The following TIMP2 variants were observed in gnomAD, a reference collection of about 807,000 sequenced individuals.
TIMP2 encodes the protein metalloproteinase inhibitor 2.
A neutral mutation model predicts 24.3 loss-of-function variants in TIMP2; 5 were observed. The ratio of observed to expected loss-of-function variants is 0.21; its 90% CI spans 0.11 to 0.43. TIMP2 has a LOEUF of 0.43. Ranked by LOEUF, TIMP2 falls within the 20% of genes least tolerant of loss-of-function variation. The pLI, the probability that TIMP2 is intolerant of heterozygous loss-of-function variation, is 1.00. For missense variants in TIMP2, 221 were observed against 297.5 expected (o/e 0.74, Z 1.89); for synonymous variants, 130 against 123.2 (o/e 1.06, Z -0.37).
At chr17:78,909,335 A>G (rs1273712257) in intron 1 of TIMP2, among the ~76,000 whole-genome samples, 5 of 151,914 alleles carry the variant, frequency 3.3e-5, no homozygotes, top group African/African-American at 1.2e-4. Flanking sequence ...AGCCTGGGCG[A>G]CAGAGCAAGA....
At chr17:78,860,113 T>C (rs1028430809) in intron 3 of TIMP2, among the ~76,000 whole-genome samples, 8 of 151,530 alleles carry the variant, frequency 5.3e-5, no homozygotes, top group African/African-American at 1.9e-4. Flanking sequence ...GAGGTGGAGG[T>C]TGCAGTGAGT....
Position 78,891,369 on chromosome 17 carries a change from A to G in TIMP2, c.131-17450T>C. ...GCGCCACACTCTTGCATCTCTGAGA[A>G]GGCATGCCCTTCCCCAGGTCTCTGG... On this transcript the variant is annotated intron_variant, in intron 1 of 4. Transcript: ENST00000262768. This position sits in a 1 kb window ranked among gnomAD's most constrained non-coding sequence, Gnocchi z 4.5. The G allele has an allele frequency of 6.4e-7, 1 of 1,550,572 alleles. No individual in the cohort carries two copies. Among genetic ancestry groups the G allele is most frequent in the South Asian group, 1.2e-5 (1 of 84,062 alleles).
chr17:78,924,780 G>A lies in TIMP2; in HGVS notation c.130+179C>T, dbSNP rs1210928199. Reference sequence around the variant, plus strand: ...GAGAGGGAAAGAAAGGGAGAGGAGGGAGGGGGGAAAGAAAGTCGGCTCTGG... The same window carrying A: ...GAGAGGGAAAGAAAGGGAGAGGAGGAAGGGGGGAAAGAAAGTCGGCTCTGG... On this transcript the variant is annotated intron_variant, in intron 1 of 4. Coordinates refer to ENST00000262768, the MANE Select transcript of TIMP2 (RefSeq NM_003255.5). The surrounding 1 kb of genome is among the most constrained non-coding windows in gnomAD (Gnocchi z 5.3). Among the ~76,000 whole-genome samples the A allele has an allele frequency of 1.3e-5, 2 of 152,054 alleles. No individual in the cohort carries two copies. Among genetic ancestry groups the A allele is most frequent in the African/African-American group, 4.8e-5 (2 of 41,428 alleles).
At chr17:78,921,871 C>A (rs1408513101) in intron 1 of TIMP2, among the ~76,000 whole-genome samples, 1 of 152,196 alleles carries the variant, frequency 6.6e-6, no homozygotes, top group African/African-American at 2.4e-5. Flanking sequence ...TCCCAGAAAT[C>A]CTCAGCCGGG....
chr17:78,924,849 G>T lies in TIMP2; in HGVS notation c.130+110C>A. 1.6e-6 allele frequency: 1 copy of T among 640,634 alleles called. No individual in the cohort carries two copies. The highest frequency in any genetic ancestry group is 2.1e-6 in the Non-Finnish European group (1 of 478,608). 39.7% of individuals were successfully genotyped at this position (640,634 alleles called of 1,614,324 possible). On this transcript the variant is annotated intron_variant, in intron 1 of 4. Transcript: ENST00000262768. This position sits in a 1 kb window ranked among gnomAD's most constrained non-coding sequence, Gnocchi z 5.3. ...CGAGAAGGCGCCGAGGGACCAGGAG[G>T]CGGGCGCTGGGGTCCCTCGGCCAGC...
At chr17:78,911,793 C>T (rs765831689) in intron 1 of TIMP2, among the ~76,000 whole-genome samples, 3 of 151,824 alleles carry the variant, frequency 2.0e-5, no homozygotes, top group Non-Finnish European at 4.4e-5. Context: ...CGCCTATAAT[C>T]CCAATACTTT....
intron 1 of TIMP2, among the ~76,000 whole-genome samples, chr17:78,885,264 G>A (rs1297948990): frequency 3.3e-5 from 5 of 152,234 alleles, no homozygotes; most frequent in Admixed American, 6.5e-5. Flanking sequence ...GCGCGAACAC[G>A]GAATCTGTCC....
intron 3 of TIMP2, among the ~76,000 whole-genome samples, chr17:78,866,804 C>T (rs531354808): frequency 7.6e-4 from 115 of 152,240 alleles, no homozygotes; most frequent in Admixed American, 1.4e-3. Context: ...TGATTCCGTT[C>T]CCAGGAAAGC....
At chr17:78,861,710 T>C (rs1277313854) in intron 3 of TIMP2, among the ~76,000 whole-genome samples, 1 of 151,938 alleles carries the variant, frequency 6.6e-6, no homozygotes, top group Non-Finnish European at 1.5e-5. Flanking sequence ...TCAAGCATTC[T>C]CCTGCCTTAG....
intron 1 of TIMP2, among the ~76,000 whole-genome samples, chr17:78,914,312 T>C (rs1241673780): frequency 6.7e-6 from 1 of 150,024 alleles, no homozygotes; most frequent in Non-Finnish European, 1.5e-5. Flanking sequence ...GGAGTCTCGC[T>C]CTGTCTCCCA....
At chr17:78,912,376 CTCAA>C (rs150470098) in intron 1 of TIMP2, among the ~76,000 whole-genome samples, 2,031 of 152,252 alleles carry the variant, frequency 0.013, 21 homozygotes, top group Non-Finnish European at 0.02. Flanking sequence ...GTCAGGAAAG[CTCAA>C]TCAATCTCTC....
chr17:78,900,868 G>C (rs1219230978), intron 1 of TIMP2: 2 of 152,296 alleles, frequency 1.3e-5, no homozygotes, highest in South Asian at 2.1e-4. Context: ...GGGGACAAAA[G>C]ACGCTGGGCC....
At chr17:78,861,232 GC>G (rs2069564849) in intron 3 of TIMP2, among the ~76,000 whole-genome samples, 1 of 152,166 alleles carries the variant, frequency 6.6e-6, no homozygotes, top group Non-Finnish European at 1.5e-5. Flanking sequence ...CTGGGCACCT[GC>G]CACTACAGAC....
chr17:78,890,182 GGACGGTATAAT>G (rs1195885891), intron 1 of TIMP2, among the ~76,000 whole-genome samples: 2 of 151,586 alleles, frequency 1.3e-5, no homozygotes, highest in Non-Finnish European at 2.9e-5. Context: ...GTGCCCTGGA[GGACGGTATAAT>G]GACAGATTGC....
At chr17:78,922,489 G>A (rs1176252199) in intron 1 of TIMP2, 3 of 152,204 alleles carry the variant, frequency 2.0e-5, no homozygotes, top group East Asian at 1.9e-4. Context: ...GGATTAGGGT[G>A]GGCCCTAAAT....
intron 1 of TIMP2, chr17:78,899,713 G>A (rs2070060614): frequency 1.3e-5 from 2 of 152,266 alleles, no homozygotes; most frequent in Admixed American, 1.3e-4. Flanking sequence ...CGCCTGGAAT[G>A]TGCTCATGCA....
At chr17:78,880,012 A>G (rs1431623269) in intron 1 of TIMP2, among the ~76,000 whole-genome samples, 1 of 152,082 alleles carries the variant, frequency 6.6e-6, no homozygotes, top group Non-Finnish European at 1.5e-5. Flanking sequence ...CCGCCCCTGG[A>G]AAACCATCAG....
chr17:78,867,640 G>T (rs570973823), intron 3 of TIMP2, among the ~76,000 whole-genome samples: 1 of 142,966 alleles, frequency 7.0e-6, no homozygotes, highest in South Asian at 2.2e-4. Context: ...CTGTCGCCCA[G>T]ACTGGAGTGC....
chr17:78,886,195 T>C (rs548220015), intron 1 of TIMP2, among the ~76,000 whole-genome samples: 4 of 152,170 alleles, frequency 2.6e-5, no homozygotes, highest in Non-Finnish European at 5.9e-5. Context: ...CTCCACACTG[T>C]CTTGCTGCCC....
Sources: gnomAD v4.1 joint callset for allele counts (sites outside exome capture counted in the v4.1 genomes callset) on GRCh38, gnomAD v4.1.1 for gene constraint, Gnocchi (gnomAD v3.1) non-coding constraint, MANE v1.5 for transcripts, NCBI Gene and HGNC (gene_info 2026-07-23, HGNC 2026-07-21) for gene names.